The following VWA8 variants were observed in gnomAD, a reference collection of about 807,000 sequenced individuals.
VWA8 encodes von Willebrand factor A domain-containing protein 8.
VWA8 carries 221 observed loss-of-function variants against 241.5 expected under a neutral mutation model. The ratio of observed to expected loss-of-function variants is 0.91; its 90% confidence interval spans 0.82 to 1.02. The LOEUF (loss-of-function observed/expected upper bound fraction) is 1.02, where lower values mean the gene tolerates loss of function less well. VWA8 is among the 50% of genes least tolerant of loss of function. The pLI, the probability that VWA8 is intolerant of heterozygous loss-of-function variation, is 0.00. For missense variants in VWA8, 2,322 were observed against 2,328.7 expected (o/e 1.00, Z 0.06); for synonymous variants, 852 against 827.1 (o/e 1.03, Z -0.52).
At chr13:41,645,105 A>G (rs558991786) in intron 37 of VWA8, among the ~76,000 whole-genome samples, 29 of 152,314 alleles carry the variant, frequency 1.9e-4, no homozygotes, top group African/African-American at 7.0e-4. Context: ...TTCATCTGTA[A>G]AACAAGGATA....
At chr13:41,594,651 C>T (rs908575076) in intron 40 of VWA8, among the ~76,000 whole-genome samples, 4 of 152,160 alleles carry the variant, frequency 2.6e-5, no homozygotes, top group East Asian at 1.9e-4. Context: ...GGAGGACACA[C>T]AGCTGATGTT....
Position 41,590,676 on chromosome 13 carries a change from T to A in VWA8, c.5076A>T (p.Lys1692Asn). The stretch of plus-strand genomic sequence containing the variant: ...GCTCACCCCGACGTTTGTAGATGGC[T>A]TTTTCTCCAGTCAGCCCATCAATGA... ...AKIIDGLTGE[K>N]AIYKRRGELE... Residue 1692 changes from lysine (K) to asparagine (N), a missense_variant, in exon 41 of 45, where the codon AAA becomes AAT. Coordinates refer to ENST00000379310, the MANE Select transcript of VWA8 (RefSeq NM_015058.2). 1 of 1,614,040 alleles carries A rather than the reference T, an allele frequency of 6.2e-7. No homozygotes were observed. The highest frequency in any genetic ancestry group is 1.1e-5 in the South Asian group (1 of 91,072).
rs373426197 is a variant in VWA8, at chr13:41,859,868, T to C, written c.1425+5868A>G. Among the ~76,000 whole-genome samples the C allele has an allele frequency of 9.2e-5, 14 of 152,322 alleles. No homozygotes were observed. The East Asian group carries it at 2.1e-3, about 23-fold the overall frequency. On this transcript the variant is annotated intron_variant, in intron 12 of 44. Coordinates refer to ENST00000379310, the MANE Select transcript of VWA8 (RefSeq NM_015058.2). ...CACAGATTAAGTGTAGCTTTATACA[T>C]GTACAAATAACAGGGAAGTCTCCAC...
rs943039012 is a variant in VWA8 at position 41,886,834 on chromosome 13, A to C, written c.817-4T>G. Reference sequence around the variant, plus strand: ...AATATAACAACTTAAGTTGGTCCTAAAGTAATACAGAAACATATTAAATTA... The same window carrying C: ...AATATAACAACTTAAGTTGGTCCTACAGTAATACAGAAACATATTAAATTA... On this transcript the variant is annotated splice_polypyrimidine_tract_variant and splice_region_variant and intron_variant, in intron 6 of 44. Coordinates refer to ENST00000379310, the MANE Select transcript of VWA8 (RefSeq NM_015058.2). 4 of 1,577,002 alleles carry C rather than the reference A, an allele frequency of 2.5e-6. No individual in the cohort carries two copies. The African/African-American group carries it at 5.5e-5, about 22-fold the overall frequency.
intron 35 of VWA8, among the ~76,000 whole-genome samples, chr13:41,684,782 T>G (rs1243714847): frequency 6.6e-6 from 1 of 152,188 alleles, no homozygotes; most frequent in Non-Finnish European, 1.5e-5. Context: ...TAAAAGGCTC[T>G]GTGAAAACAT....
At chr13:41,875,371 TC>T (rs1372861315) in intron 9 of VWA8, among the ~76,000 whole-genome samples, 3 of 152,090 alleles carry the variant, frequency 2.0e-5, no homozygotes, top group African/African-American at 4.8e-5. Context: ...ACATTTTTTG[TC>T]CCTTCTGCCT....
chr13:41,644,895 T>C (rs2044820971), intron 37 of VWA8, among the ~76,000 whole-genome samples: 1 of 152,242 alleles, frequency 6.6e-6, no homozygotes, highest in African/African-American at 2.4e-5. Context: ...ATGGTAAAAC[T>C]GGTTTCATTA....
chr13:41,938,748 A>G (rs1014771426), intron 2 of VWA8, among the ~76,000 whole-genome samples: 31 of 147,824 alleles, frequency 2.1e-4, no homozygotes, highest in African/African-American at 7.7e-4. Context: ...GATCTTCAGT[A>G]GTGGCAGCCC....
chr13:41,862,562 T>C (rs548301067), intron 12 of VWA8, among the ~76,000 whole-genome samples: 2 of 151,982 alleles, frequency 1.3e-5, no homozygotes, highest in Non-Finnish European at 2.9e-5. Context: ...AAGGGTCTAA[T>C]AACATAAAGA....
chr13:41,644,621 A>T (rs2044819112), intron 37 of VWA8, among the ~76,000 whole-genome samples: 1 of 152,226 alleles, frequency 6.6e-6, no homozygotes, highest in South Asian at 2.1e-4. Context: ...GTGCCCCACG[A>T]GGCGGGGGAT....
At chr13:41,870,249 C>T (rs1238217347) in intron 9 of VWA8, among the ~76,000 whole-genome samples, 1 of 151,996 alleles carries the variant, frequency 6.6e-6, no homozygotes, top group African/African-American at 2.4e-5. Context: ...ACTATTGACA[C>T]CTTAATTTCA....
intron 1 of VWA8, among the ~76,000 whole-genome samples, chr13:41,950,666 C>A (rs1426759621): frequency 8.0e-6 from 1 of 124,696 alleles, no homozygotes; most frequent in African/African-American, 3.4e-5. Flanking sequence ...CCACACTCAG[C>A]CTTTTTTTTT....
At position 41,911,641 on chromosome 13, in the gene VWA8, C is replaced by A. The variant is rs1237856945; in HGVS notation, c.372+397G>T. ...TAGGCTTCCTTTAAAGACTGCATAA[C>A]TTCCAAAAGTCAAGGGAATTGTTTG... On this transcript the variant is annotated intron_variant, in intron 3 of 44. Transcript: ENST00000379310. 3.9e-5 allele frequency among the ~76,000 whole-genome samples: 6 copies of A among 152,308 alleles called. No individual in the cohort carries two copies. The East Asian group carries it at 1.2e-3, about 29-fold the overall frequency.
At chr13:41,611,367 A>AT (rs2044587072) in intron 39 of VWA8, among the ~76,000 whole-genome samples, 1 of 152,116 alleles carries the variant, frequency 6.6e-6, no homozygotes, top group African/African-American at 2.4e-5. Flanking sequence ...TGAGCTTTAG[A>AT]TTTTAAGGAG....
At chr13:41,854,830 T>C (rs1872671959) in intron 12 of VWA8, among the ~76,000 whole-genome samples, 1 of 152,142 alleles carries the variant, frequency 6.6e-6, no homozygotes, top group African/African-American at 2.4e-5. Flanking sequence ...GAGCAGGCAG[T>C]GGAGCTAAGT....
At chr13:41,866,987 C>T (rs1481813627) in intron 10 of VWA8, among the ~76,000 whole-genome samples, 1 of 152,160 alleles carries the variant, frequency 6.6e-6, no homozygotes, top group Non-Finnish European at 1.5e-5. Flanking sequence ...TGGGCTGGAT[C>T]ATGTTATATA....
chr13:41,633,559 G>A (rs1040813542), intron 37 of VWA8, among the ~76,000 whole-genome samples: 4 of 152,160 alleles, frequency 2.6e-5, no homozygotes, highest in African/African-American at 9.7e-5. Flanking sequence ...GAATACCATT[G>A]GAATTCACTT....
At chr13:41,846,913 C>G (rs1294963838) in intron 12 of VWA8, among the ~76,000 whole-genome samples, 3 of 152,076 alleles carry the variant, frequency 2.0e-5, no homozygotes, top group African/African-American at 7.2e-5. Context: ...CCTGTAATCC[C>G]AGCTACTCGG....
intron 3 of VWA8, among the ~76,000 whole-genome samples, chr13:41,908,410 T>G (rs1255376862): frequency 6.6e-6 from 1 of 150,480 alleles, no homozygotes; most frequent in Non-Finnish European, 1.5e-5. Context: ...AGGTTGAGGT[T>G]GCAGTAAGCC....
Sources: allele counts gnomAD v4.1 joint callset (sites outside exome capture counted in the v4.1 genomes callset), GRCh38; gene constraint gnomAD v4.1.1; transcripts MANE v1.5; gene names NCBI Gene and HGNC (gene_info 2026-07-23, HGNC 2026-07-21).